LOXL2: variants seen among roughly 807,000 people sequenced by gnomAD.
The protein encoded by LOXL2 is lysyl oxidase like 2.
Under a neutral mutation model 93.0 loss-of-function variants are expected in LOXL2, and 70 were observed. The observed-to-expected ratio is 0.75, with a 90% confidence interval of 0.62 to 0.92. The LOEUF is 0.92. LOXL2 is among the 40% of genes least tolerant of loss of function. The probability of loss-of-function intolerance (pLI) is 0.00; values close to 1 mark genes in which losing one functional copy is unlikely to be tolerated. For missense variants in LOXL2, 973 were observed against 1,054.9 expected, an observed-to-expected ratio of 0.92 and a Z score of 1.08; for synonymous variants, 438 against 413.2, an observed-to-expected ratio of 1.06 and a Z score of -0.73.
intron 5 of LOXL2, among the ~76,000 whole-genome samples, chr8:23,332,265 CACA>C (rs1803696814): frequency 1.1e-4 from 3 of 28,556 alleles, no homozygotes; most frequent in African/African-American, 2.2e-4. Context: ...ACACACCACC[CACA>C]CATACACACA....
chr8:23,388,116 G>A (rs551610758), intron 1 of LOXL2, among the ~76,000 whole-genome samples: 2 of 152,256 alleles, frequency 1.3e-5, no homozygotes, highest in South Asian at 2.1e-4. Flanking sequence ...TGCTAGATTC[G>A]AGTCAGGTTA....
At chr8:23,383,981 A>T (rs901817438) in intron 1 of LOXL2, among the ~76,000 whole-genome samples, 6 of 152,074 alleles carry the variant, frequency 3.9e-5, no homozygotes, top group African/African-American at 1.4e-4. Context: ...TCTAGATATG[A>T]ATTTTACCTA....
At chr8:23,379,453 T>C (rs1405390411) in intron 1 of LOXL2, among the ~76,000 whole-genome samples, 1 of 152,212 alleles carries the variant, frequency 6.6e-6, no homozygotes, top group Non-Finnish European at 1.5e-5. Context: ...ACCACTACTC[T>C]CTTCAAAGCT....
At chr8:23,389,635 T>G (rs187879188) in intron 1 of LOXL2, among the ~76,000 whole-genome samples, 1 of 152,176 alleles carries the variant, frequency 6.6e-6, no homozygotes, top group African/African-American at 2.4e-5. Context: ...GGAAAACACA[T>G]TGTAAAAATT....
rs753058483 is a variant in LOXL2 at position 23,341,009 on chromosome 8, G to A, written c.726C>T (p.Tyr242=). ...GMFGFPGERT[Y]NTKVYKMFAS... ...CCTCTTACTTGTACACTTTGGTATT[G>A]TATGTCCTCTCCCCAGGGAAGCCAA... Residue 242 remains tyrosine, a synonymous_variant, in exon 4 of 14, where the codon TAC becomes TAT. Transcript: ENST00000389131. 1 of 1,614,070 alleles carries A rather than the reference G, an allele frequency of 6.2e-7. No individual in the cohort carries two copies. The highest frequency in any genetic ancestry group is 8.5e-7 in the Non-Finnish European group (1 of 1,179,954).
At chr8:23,351,006 T>G (rs574256279) in intron 3 of LOXL2, among the ~76,000 whole-genome samples, 3 of 152,110 alleles carry the variant, frequency 2.0e-5, no homozygotes, top group Non-Finnish European at 4.4e-5. Flanking sequence ...GGTAGTTCTC[T>G]TCACAGCCAT....
At chr8:23,301,666 G>T (rs1803133281) in intron 12 of LOXL2, among the ~76,000 whole-genome samples, 1 of 152,186 alleles carries the variant, frequency 6.6e-6, no homozygotes, top group African/African-American at 2.4e-5. Context: ...AATGGGGATG[G>T]TGGAGACAAG....
At chr8:23,373,127 C>T (rs1469371873) in intron 1 of LOXL2, among the ~76,000 whole-genome samples, 2 of 152,158 alleles carry the variant, frequency 1.3e-5, no homozygotes, top group Non-Finnish European at 2.9e-5. Flanking sequence ...CATGCATCTC[C>T]ATCCAGCTCA....
intron 1 of LOXL2, among the ~76,000 whole-genome samples, chr8:23,396,742 G>T (rs980693568): frequency 6.6e-6 from 1 of 152,176 alleles, no homozygotes; most frequent in Non-Finnish European, 1.5e-5. Context: ...CCAGTCCCAA[G>T]ATCTTGAGGT....
chr8:23,326,334 A>G (rs1451353081), intron 6 of LOXL2, among the ~76,000 whole-genome samples: 3 of 152,178 alleles, frequency 2.0e-5, no homozygotes. Context: ...CACACCCATG[A>G]TAAATGGAAT....
At chr8:23,321,094 C>T (rs1803489659) in intron 7 of LOXL2, among the ~76,000 whole-genome samples, 1 of 152,098 alleles carries the variant, frequency 6.6e-6, no homozygotes, top group Non-Finnish European at 1.5e-5. Flanking sequence ...TCCAATGCAT[C>T]CACTTCCCTC....
Position 23,355,370 on chromosome 8 carries a change from A to G in LOXL2, c.531+4720T>C, listed in dbSNP as rs536824988. On this transcript the variant is annotated intron_variant, in intron 3 of 13. Coordinates refer to ENST00000389131, the MANE Select transcript of LOXL2 (RefSeq NM_002318.3). ...CATTTCCTCATGATATGGTTTCCAG[A>G]TTTGTCTCCATCCTGTTGGCCTTTC... is the stretch of plus-strand genomic sequence containing the variant. Among the ~76,000 whole-genome samples the G allele has an allele frequency of 3.2e-4, 49 of 152,082 alleles. 1 individual carries two copies. Among genetic ancestry groups the G allele is most frequent in the African/African-American group, 1.1e-3 (47 of 41,498 alleles).
intron 3 of LOXL2, 111 bp downstream of exon 3, chr8:23,359,979 G>T (rs759508367): frequency 5.0e-6 from 5 of 996,402 alleles, no homozygotes; most frequent in Non-Finnish European, 7.6e-6. Context: ...ATTGGGTGAG[G>T]TACCCTCCTT....
intron 6 of LOXL2, among the ~76,000 whole-genome samples, chr8:23,323,003 C>T (rs1320013978): frequency 1.3e-5 from 2 of 152,196 alleles, no homozygotes; most frequent in African/African-American, 2.4e-5. Context: ...GGAGGGCCCT[C>T]GACTCTGCCG....
At chr8:23,402,322 CGT>C (rs1319091432) in intron 1 of LOXL2, among the ~76,000 whole-genome samples, 1 of 152,134 alleles carries the variant, frequency 6.6e-6, no homozygotes, top group African/African-American at 2.4e-5. Context: ...CATACACAAA[CGT>C]GCGCGCGTGC....
At position 23,297,402 on chromosome 8, in the gene LOXL2, A is replaced by T. The variant is rs1371698552; in HGVS notation, c.*641T>A. 6.6e-6 allele frequency: 1 copy of T among 152,246 alleles called. No individual in the cohort carries two copies. Among genetic ancestry groups the T allele is most frequent in the Non-Finnish European group, 1.5e-5 (1 of 68,068 alleles). 9.4% of individuals were successfully genotyped at this position (152,246 alleles called of 1,614,324 possible). A position where few individuals can be genotyped will look rare whatever the true frequency, so the allele number is the denominator to read the frequency against. On this transcript the variant is annotated 3_prime_UTR_variant, in exon 14 of 14. Coordinates refer to ENST00000389131, the MANE Select transcript of LOXL2 (RefSeq NM_002318.3). ...GCCCAGATGTCCAATATTAAATGCC[A>T]ATAAATTTGTGCTTCAAAAGTCTGT...
intron 5 of LOXL2, among the ~76,000 whole-genome samples, chr8:23,331,006 G>A (rs913023711): frequency 6.6e-6 from 1 of 152,092 alleles, no homozygotes; most frequent in Non-Finnish European, 1.5e-5. Context: ...AGGAGGGCTG[G>A]GCTCCCAGCA....
chr8:23,353,481 T>C (rs1002783613), intron 3 of LOXL2, among the ~76,000 whole-genome samples: 3 of 152,330 alleles, frequency 2.0e-5, no homozygotes, highest in Admixed American at 1.3e-4. Context: ...GAAGGGTCAG[T>C]GACTGGACAT....
chr8:23,310,957 C>T (rs1397903976), intron 9 of LOXL2, among the ~76,000 whole-genome samples: 1 of 152,252 alleles, frequency 6.6e-6, no homozygotes, highest in Non-Finnish European at 1.5e-5. Flanking sequence ...TCAGTGAACA[C>T]TTCTAGTACA....
Sources: gnomAD v4.1 joint callset for allele counts (sites outside exome capture counted in the v4.1 genomes callset) on GRCh38, gnomAD v4.1.1 for gene constraint, MANE v1.5 for transcripts, NCBI Gene and HGNC (gene_info 2026-07-23, HGNC 2026-07-21) for gene names.